NTRK3: variants seen among roughly 807,000 people sequenced by gnomAD.
NTRK3 encodes the protein neurotrophic receptor tyrosine kinase 3.
A neutral mutation model predicts 91.7 loss-of-function variants in NTRK3; 24 were observed. The ratio of observed to expected loss-of-function variants is 0.26; its 90% CI spans 0.19 to 0.37. The LOEUF (loss-of-function observed/expected upper bound fraction) is 0.37. Ranked by LOEUF, NTRK3 falls within the 10% of genes least tolerant of loss-of-function variation. The pLI, the probability that NTRK3 is intolerant of heterozygous loss-of-function variation, is 1.00. For missense variants in NTRK3, 880 were observed against 1,068.9 expected (o/e 0.82, Z 2.46); for synonymous variants, 483 against 404.0 (o/e 1.20, Z -2.34).
At chr15:87,990,304 T>C (rs2141479338) in intron 14 of NTRK3, among the ~76,000 whole-genome samples, 1 of 152,312 alleles carries the variant, frequency 6.6e-6, no homozygotes, top group African/African-American at 2.4e-5. Flanking sequence ...CTTGAAGCAG[T>C]GAGTCTAGCT....
intron 14 of NTRK3, among the ~76,000 whole-genome samples, chr15:87,980,390 T>A (rs1381284657): frequency 1.3e-5 from 2 of 152,096 alleles, no homozygotes; most frequent in East Asian, 1.9e-4. Context: ...TGTTTGCATG[T>A]GTGTTTGCAT....
intron 14 of NTRK3, among the ~76,000 whole-genome samples, chr15:87,971,549 G>T (rs1479394407): frequency 6.6e-6 from 1 of 152,216 alleles, no homozygotes; most frequent in Non-Finnish European, 1.5e-5. Context: ...CCTTGACTTT[G>T]GCAGCAAGAG....
intron 13 of NTRK3, among the ~76,000 whole-genome samples, chr15:88,078,486 C>T (rs907011055): frequency 6.6e-6 from 1 of 152,256 alleles, no homozygotes; most frequent in African/African-American, 2.4e-5. Context: ...CCTGTCTCTA[C>T]TAAAAATACA....
At chr15:88,252,815 T>A (rs1305676492) in intron 3 of NTRK3, 3 of 152,090 alleles carry the variant, frequency 2.0e-5, no homozygotes, top group African/African-American at 7.3e-5. Flanking sequence ...GTGGCTCTGG[T>A]GAGGGGTGGA....
chr15:87,894,624 G>T (rs561924677), intron 17 of NTRK3, among the ~76,000 whole-genome samples: 2 of 152,312 alleles, frequency 1.3e-5, no homozygotes, highest in Admixed American at 6.5e-5. Context: ...GCAGTGAAGA[G>T]AATGCTTTGG....
intron 17 of NTRK3, among the ~76,000 whole-genome samples, chr15:87,917,631 G>C (rs1019428245): frequency 5.3e-5 from 8 of 152,216 alleles, no homozygotes; most frequent in Admixed American, 4.6e-4. Flanking sequence ...GGCCTGGTGA[G>C]AGGCGTTTGA....
chr15:87,979,501 A>G, intron 14 of NTRK3: 1 of 1,442,996 alleles, frequency 6.9e-7, no homozygotes, highest in Non-Finnish European at 9.7e-7. Flanking sequence ...AGAAAAAAGC[A>G]AAATAAAGTA....
intron 14 of NTRK3, among the ~76,000 whole-genome samples, chr15:87,970,171 A>G (rs1480935884): frequency 6.6e-6 from 1 of 152,220 alleles, no homozygotes; most frequent in Non-Finnish European, 1.5e-5. Context: ...TAGAGTTGAG[A>G]CTGGGATCCG....
intron 6 of NTRK3, among the ~76,000 whole-genome samples, chr15:88,139,925 G>A (rs569796363): frequency 2.7e-5 from 4 of 150,680 alleles, no homozygotes; most frequent in Non-Finnish European, 4.4e-5. Flanking sequence ...GGGGTGGGAG[G>A]GGGGGAGTGT....
chr15:88,161,961 C>A (rs938317989), intron 5 of NTRK3, among the ~76,000 whole-genome samples: 1 of 152,202 alleles, frequency 6.6e-6, no homozygotes, highest in African/African-American at 2.4e-5. Context: ...CCTCTGTGTA[C>A]ATCAGAGCAA....
intron 16 of NTRK3, among the ~76,000 whole-genome samples, chr15:87,932,470 T>C (rs1260925794): frequency 6.6e-6 from 1 of 152,214 alleles, no homozygotes; most frequent in Non-Finnish European, 1.5e-5. Flanking sequence ...CACTGTACTG[T>C]ACAGTTCTAG....
At chr15:87,987,184 C>G (rs1230187920) in intron 14 of NTRK3, among the ~76,000 whole-genome samples, 1 of 152,186 alleles carries the variant, frequency 6.6e-6, no homozygotes, top group African/African-American at 2.4e-5. Context: ...GGAAGAGATC[C>G]CTAAATTTAG....
chr15:88,113,292 C>T (rs1439592986), intron 13 of NTRK3, among the ~76,000 whole-genome samples: 1 of 150,808 alleles, frequency 6.6e-6, no homozygotes, highest in Admixed American at 6.7e-5. Flanking sequence ...GGTAGACTCC[C>T]CCACCTGCTG....
At chr15:88,142,384 C>T (rs2042469660) in intron 6 of NTRK3, among the ~76,000 whole-genome samples, 1 of 152,260 alleles carries the variant, frequency 6.6e-6, no homozygotes, top group African/African-American at 2.4e-5. Context: ...GGCCTAATCG[C>T]AGGGCTCTGA....
At position 88,237,065 on chromosome 15, in the gene NTRK3, T is replaced by A. The variant is rs2051855286; in HGVS notation, c.248+18841A>T. 6.6e-6 allele frequency among the ~76,000 whole-genome samples: 1 copy of A among 152,164 alleles called. No homozygotes were observed. Among genetic ancestry groups the A allele is most frequent in the Non-Finnish European group, 1.5e-5 (1 of 68,026 alleles). ...TCGAAGTCTAATTTTATGACATACA[T>A]GCTGAAGTATGTAGAGGGAGCATGC... On this transcript the variant is annotated intron_variant, in intron 3 of 18. Coordinates refer to ENST00000394480, the Ensembl canonical transcript of NTRK3. The surrounding 1 kb of genome is among the most constrained non-coding windows in gnomAD (Gnocchi z 4.0).
chr15:87,952,592 A>T (rs1038826314), intron 14 of NTRK3, among the ~76,000 whole-genome samples: 5 of 152,118 alleles, frequency 3.3e-5, no homozygotes, highest in African/African-American at 1.2e-4. Context: ...TTGGTGACAC[A>T]AAGTTATCTT....
chr15:88,116,051 G>A (rs1220442028), intron 13 of NTRK3, among the ~76,000 whole-genome samples: 2 of 152,120 alleles, frequency 1.3e-5, no homozygotes, highest in South Asian at 2.1e-4. Flanking sequence ...TGGGAATGCT[G>A]GCTACCCACT....
intron 14 of NTRK3, among the ~76,000 whole-genome samples, chr15:87,981,718 T>C (rs1271466554): frequency 6.6e-6 from 1 of 152,182 alleles, no homozygotes; most frequent in African/African-American, 2.4e-5. Flanking sequence ...CAGAGTGTCA[T>C]TCCTGGGCCT....
At position 88,135,892 on chromosome 15, in the gene NTRK3, C is replaced by A. The variant is rs770519191; in HGVS notation, c.907+7G>T. ...CACAGCCATCCCCCACAATAACATG[C>A]ACTTACAGTAGACAGTGAGGGCAAC... On this transcript the variant is annotated splice_region_variant and intron_variant, in intron 9 of 18. Transcript: ENST00000394480. 9.3e-6 allele frequency: 15 copies of A among 1,614,090 alleles called. No individual in the cohort carries two copies. Among genetic ancestry groups the A allele is most frequent in the Admixed American group, 3.3e-5 (2 of 60,022 alleles).
Sources: allele counts gnomAD v4.1 joint callset (sites outside exome capture counted in the v4.1 genomes callset), GRCh38; gene constraint gnomAD v4.1.1; non-coding constraint Gnocchi (gnomAD v3.1); transcripts MANE v1.5; gene names NCBI Gene and HGNC (gene_info 2026-07-23, HGNC 2026-07-21).